Variants in SYT1 observed in about 807,000 individuals in gnomAD.
SYT1 encodes synaptotagmin 1, also known as synaptotagmin-1.
A neutral mutation model predicts 44.8 loss-of-function variants in SYT1; 8 were observed. The observed-to-expected ratio is 0.18, with a 90% CI of 0.10 to 0.32. The LOEUF (loss-of-function observed/expected upper bound fraction) is 0.32, where lower values mean the gene tolerates loss of function less well. Ranked by LOEUF, SYT1 falls within the 10% of genes least tolerant of loss-of-function variation. SYT1 has a pLI of 1.00. For missense variants in SYT1, 286 were observed against 509.3 expected, an observed-to-expected ratio of 0.56 and a Z score of 4.22; for synonymous variants, 154 against 188.8, an observed-to-expected ratio of 0.82 and a Z score of 1.51.
In SYT1 at chr12:79,215,918, C is replaced by CTTT. The variant is rs71091653; in HGVS notation, c.-17-1557_-17-1555dup. Among the ~76,000 whole-genome samples the CTTT allele has an allele frequency of 8.7e-4, 67 of 76,798 alleles. 3 individuals carry two copies. Among genetic ancestry groups the CTTT allele is most frequent in the Non-Finnish European group, 1.3e-3 (55 of 43,896 alleles). The allele number at this position is 76,798 out of a possible 152,430, so 50.4% of individuals were successfully genotyped here. A position where few individuals can be genotyped will look rare whatever the true frequency, so the allele number is the denominator to read the frequency against. On this transcript the variant is annotated intron_variant, in intron 3 of 10. Coordinates refer to ENST00000261205, the MANE Select transcript of SYT1 (RefSeq NM_005639.3). ...ACTCACAAATCGTTTGCATTTCTTT[C>CTTT]TTTTTTTTTTTTTTTTTTTTTTTTT...
intron 9 of SYT1, chr12:79,392,303 C>T (rs1397824355): frequency 1.3e-5 from 2 of 152,258 alleles, no homozygotes; most frequent in Admixed American, 1.3e-4. Context: ...ATCACATCAA[C>T]TCTTTGCTAT....
chr12:79,293,130 G>C (rs1366873829), intron 6 of SYT1, among the ~76,000 whole-genome samples: 1 of 148,474 alleles, frequency 6.7e-6, no homozygotes, highest in Non-Finnish European at 1.5e-5. Flanking sequence ...GGCTAACACG[G>C]TGAAACCCTG....
At chr12:78,994,126 T>G (rs1870202418) in intron 2 of SYT1, among the ~76,000 whole-genome samples, 1 of 152,244 alleles carries the variant, frequency 6.6e-6, no homozygotes, top group South Asian at 2.1e-4. Flanking sequence ...ATTTATTTCC[T>G]CCTGAGTAGA....
At chr12:79,031,246 A>G (rs1400721634) in intron 2 of SYT1, among the ~76,000 whole-genome samples, 1 of 151,070 alleles carries the variant, frequency 6.6e-6, no homozygotes, top group Non-Finnish European at 1.5e-5. Flanking sequence ...TAGAAAATAA[A>G]TAAGAACATT....
At chr12:79,219,863 A>G (rs1875048290) in intron 4 of SYT1, among the ~76,000 whole-genome samples, 1 of 152,064 alleles carries the variant, frequency 6.6e-6, no homozygotes, top group African/African-American at 2.4e-5. Flanking sequence ...GTGTGGTTCC[A>G]TACAAATTTT....
rs200738603 is a variant in SYT1 at position 79,074,924 on chromosome 12, CTT to C, written c.-18+27563_-18+27564del. On this transcript the variant is annotated intron_variant, in intron 3 of 10. Coordinates refer to ENST00000261205, the MANE Select transcript of SYT1 (RefSeq NM_005639.3). ...ATTGGTTGGATATTGCTTTTTACTT[CTT>C]GTTTTCCATGCAGTAGGAATATAAC... Among the ~76,000 whole-genome samples, 872 of 152,196 alleles carry C rather than the reference CTT, an allele frequency of 5.7e-3. 11 individuals are homozygous for C. Among genetic ancestry groups the C allele is most frequent in the African/African-American group, 0.017 (724 of 41,536 alleles).
chr12:78,989,954 A>G (rs1330063843), intron 2 of SYT1, among the ~76,000 whole-genome samples: 2 of 152,144 alleles, frequency 1.3e-5, no homozygotes, highest in African/African-American at 4.8e-5. Flanking sequence ...TGGCTACTGG[A>G]AGAAACAGAT....
At chr12:79,208,883 G>A (rs991139190) in intron 3 of SYT1, among the ~76,000 whole-genome samples, 1 of 151,986 alleles carries the variant, frequency 6.6e-6, no homozygotes, top group African/African-American at 2.4e-5. Context: ...AATACTTCCT[G>A]GAAGGCATAC....
At chr12:78,887,372 A>T (rs1253249306) in intron 1 of SYT1, among the ~76,000 whole-genome samples, 5 of 152,096 alleles carry the variant, frequency 3.3e-5, no homozygotes, top group African/African-American at 1.2e-4. Flanking sequence ...ATGAGTGTGG[A>T]TGCTGGCAAT....
chr12:79,389,323 A>G (rs970197322), intron 9 of SYT1, among the ~76,000 whole-genome samples: 4 of 152,200 alleles, frequency 2.6e-5, no homozygotes, highest in Admixed American at 6.5e-5. Flanking sequence ...TGAGCTATCT[A>G]TACGTTCCCA....
chr12:79,428,908 C>T (rs1593059696), intron 9 of SYT1, among the ~76,000 whole-genome samples: 1 of 152,116 alleles, frequency 6.6e-6, no homozygotes, highest in African/African-American at 2.4e-5. Flanking sequence ...CCTCAGGAAG[C>T]TTCCAATTGT....
chr12:79,197,599 G>T (rs935114241), intron 3 of SYT1, among the ~76,000 whole-genome samples: 9 of 152,134 alleles, frequency 5.9e-5, no homozygotes, highest in African/African-American at 1.9e-4. Flanking sequence ...GCAAAATATA[G>T]GAACAAGTTT....
chr12:78,904,050 A>G (rs1875815632), intron 1 of SYT1, among the ~76,000 whole-genome samples: 1 of 151,998 alleles, frequency 6.6e-6, no homozygotes, highest in African/African-American at 2.4e-5. Flanking sequence ...ATAATAATTT[A>G]AACAGCTATA....
chr12:79,383,517 T>C (rs1054203236), intron 9 of SYT1, among the ~76,000 whole-genome samples: 1 of 151,010 alleles, frequency 6.6e-6, no homozygotes, highest in Non-Finnish European at 1.5e-5. Context: ...GTTATTTAAA[T>C]AAAAAGTGGG....
intron 3 of SYT1, among the ~76,000 whole-genome samples, chr12:79,119,515 A>C (rs1359680320): frequency 1.3e-5 from 2 of 152,090 alleles, no homozygotes; most frequent in Non-Finnish European, 2.9e-5. Context: ...TCAGCTGAGA[A>C]GGTCCTTCTT....
intron 4 of SYT1, among the ~76,000 whole-genome samples, chr12:79,276,686 C>A (rs868586269): frequency 0.013 from 1,844 of 145,162 alleles, 13 homozygotes; most frequent in Middle Eastern, 0.021. Flanking sequence ...AAAAAAAAAA[C>A]AAAAAAACCA....
At chr12:78,934,498 T>A (rs185150235) in intron 1 of SYT1, among the ~76,000 whole-genome samples, 6 of 152,210 alleles carry the variant, frequency 3.9e-5, no homozygotes, top group African/African-American at 1.4e-4. Flanking sequence ...GATTGTGCCA[T>A]TGCACTTTAG....
intron 3 of SYT1, among the ~76,000 whole-genome samples, chr12:79,086,207 T>C (rs2137975923): frequency 6.6e-6 from 1 of 152,206 alleles, no homozygotes; most frequent in South Asian, 2.1e-4. Flanking sequence ...GTTATATAAA[T>C]GTGATCAAAT....
chr12:78,960,515 A>C (rs966260624), intron 1 of SYT1: 9 of 152,210 alleles, frequency 5.9e-5, no homozygotes, highest in Non-Finnish European at 1.2e-4. Context: ...CATGAATGAA[A>C]CCATTTGGTG....
Sources: gnomAD v4.1 joint callset for allele counts (sites outside exome capture counted in the v4.1 genomes callset) on GRCh38, gnomAD v4.1.1 for gene constraint, MANE v1.5 for transcripts, NCBI Gene and HGNC (gene_info 2026-07-23, HGNC 2026-07-21) for gene names.